The following XYLT1 variants were observed in gnomAD, a reference collection of about 807,000 sequenced individuals.
The protein encoded by XYLT1 is xylosyltransferase 1.
In XYLT1, 36 loss-of-function variants were observed where a neutral mutation model predicts 91.3. The ratio of observed to expected loss-of-function variants is 0.39; its 90% confidence interval spans 0.30 to 0.52. The LOEUF is 0.52. Among genes scored for constraint, XYLT1 ranks in the 20% least tolerant of loss-of-function variants. XYLT1 has a pLI of 0.68. For missense variants in XYLT1, 1,242 were observed against 1,284.5 expected, an observed-to-expected ratio of 0.97 and a Z score of 0.51; for synonymous variants, 588 against 532.0, an observed-to-expected ratio of 1.11 and a Z score of -1.45.
intron 6 of XYLT1, among the ~76,000 whole-genome samples, chr16:17,146,448 C>T (rs1053837352): frequency 6.6e-6 from 1 of 151,974 alleles, no homozygotes; most frequent in Non-Finnish European, 1.5e-5. Flanking sequence ...TGGTAAAATA[C>T]AAAGTTGGTC....
intron 2 of XYLT1, among the ~76,000 whole-genome samples, chr16:17,269,792 T>TTTATTATTATTATTA (rs60773820): frequency 0.074 from 10,473 of 141,602 alleles, 585 homozygotes; most frequent in African/African-American, 0.15. Flanking sequence ...TCCTTCTCCC[T>TTTATTATTATTATTA]TTATTATTAT....
intron 1 of XYLT1, among the ~76,000 whole-genome samples, chr16:17,387,957 C>A (rs2035766984): frequency 6.6e-6 from 1 of 152,202 alleles, no homozygotes; most frequent in Admixed American, 6.5e-5. Context: ...CAAACCATGA[C>A]TCAGTATCTT....
chr16:17,291,015 T>C (rs768637475), intron 2 of XYLT1, among the ~76,000 whole-genome samples: 2 of 152,178 alleles, frequency 1.3e-5, no homozygotes, highest in Non-Finnish European at 2.9e-5. Context: ...TCTCACTGCA[T>C]CCTCAGCCTC....
intron 2 of XYLT1, among the ~76,000 whole-genome samples, chr16:17,345,972 G>T (rs1031816257): frequency 2.0e-5 from 3 of 152,090 alleles, no homozygotes; most frequent in African/African-American, 7.2e-5. Context: ...CACCACACGT[G>T]GCTAATTTTT....
chr16:17,213,546 C>A (rs886216215), intron 3 of XYLT1, among the ~76,000 whole-genome samples: 2 of 152,128 alleles, frequency 1.3e-5, no homozygotes, highest in African/African-American at 4.8e-5. Context: ...TGGGATTCAA[C>A]CCTCCATCTG....
At chr16:17,329,335 C>G (rs1330499665) in intron 2 of XYLT1, among the ~76,000 whole-genome samples, 2 of 152,180 alleles carry the variant, frequency 1.3e-5, no homozygotes, top group African/African-American at 4.8e-5. Flanking sequence ...CTCAGTTTCC[C>G]TCTTTTACCA....
intron 1 of XYLT1, among the ~76,000 whole-genome samples, chr16:17,463,680 A>C (rs984180222): frequency 6.6e-6 from 1 of 152,268 alleles, no homozygotes; most frequent in African/African-American, 2.4e-5. Context: ...CACAAGCTAA[A>C]AACAGAACTA....
chr16:17,168,692 T>C (rs1012350219), intron 5 of XYLT1, among the ~76,000 whole-genome samples: 1 of 152,078 alleles, frequency 6.6e-6, no homozygotes, highest in Admixed American at 6.5e-5. Flanking sequence ...CTAAAGAGTA[T>C]GTTTTCCTGG....
intron 3 of XYLT1, among the ~76,000 whole-genome samples, chr16:17,224,691 A>G (rs2033031698): frequency 6.6e-6 from 1 of 152,128 alleles, no homozygotes; most frequent in South Asian, 2.1e-4. Context: ...CTAACCATCC[A>G]TCAACATCCA....
chr16:17,120,454 G>GCTC (rs2030008893), intron 10 of XYLT1, among the ~76,000 whole-genome samples: 1 of 151,920 alleles, frequency 6.6e-6, no homozygotes, highest in Admixed American at 6.6e-5. Context: ...ATCCGGAAGG[G>GCTC]CTCTGTGTTT....
At chr16:17,258,513 AAAGAG>A (rs766967229) in intron 3 of XYLT1, among the ~76,000 whole-genome samples, 36 of 152,238 alleles carry the variant, frequency 2.4e-4, no homozygotes, top group South Asian at 6.2e-4. Context: ...TATGAGGAAG[AAAGAG>A]AAGAGAAGAG....
intron 1 of XYLT1, among the ~76,000 whole-genome samples, chr16:17,448,568 A>G (rs1474782639): frequency 6.6e-6 from 1 of 152,052 alleles, no homozygotes; most frequent in Non-Finnish European, 1.5e-5. Context: ...ACAGCTCCAG[A>G]GGAAGGAGGG....
In XYLT1 at chr16:17,138,355, C is replaced by G; in HGVS notation, c.1764G>C (p.Gln588His). 6.2e-7 allele frequency: 1 copy of G among 1,610,576 alleles called. No homozygotes were observed. Among genetic ancestry groups the G allele is most frequent in the Non-Finnish European group, 8.5e-7 (1 of 1,177,448 alleles). Reference sequence around the variant, plus strand: ...CTGGCAGACCATGAGAAAGTCTCACCTGGAAGCGGTGGAAGTCCTGCGGCT... The same window carrying G: ...CTGGCAGACCATGAGAAAGTCTCACGTGGAAGCGGTGGAAGTCCTGCGGCT... Reference protein sequence around the residue: ...DFKPQDFHRFQQTARPTFFAR... With the variant: ...DFKPQDFHRFHQTARPTFFAR... The change falls in exon 8 of 12, where the codon CAG becomes CAC. Residue 588 changes from glutamine to histidine, a missense_variant and splice_region_variant. Around this residue, in one of 3 missense-constraint regions of XYLT1, gnomAD observed 511 missense variants for 497.0 expected, o/e 1.03. Coordinates refer to ENST00000261381, the MANE Select transcript of XYLT1 (RefSeq NM_022166.4).
At chr16:17,383,760 T>C (rs2035712998) in intron 1 of XYLT1, among the ~76,000 whole-genome samples, 1 of 150,870 alleles carries the variant, frequency 6.6e-6, no homozygotes, top group African/African-American at 2.4e-5. Flanking sequence ...TTCTTTTTTT[T>C]TTTTGAGACG....
intron 1 of XYLT1, among the ~76,000 whole-genome samples, chr16:17,403,840 C>G (rs2035996600): frequency 6.6e-6 from 1 of 152,204 alleles, no homozygotes; most frequent in African/African-American, 2.4e-5. Flanking sequence ...TCTCCAGACA[C>G]AATTCTCCAT....
chr16:17,373,968 G>A (rs991599014), intron 1 of XYLT1, among the ~76,000 whole-genome samples: 1 of 152,198 alleles, frequency 6.6e-6, no homozygotes, highest in Non-Finnish European at 1.5e-5. Flanking sequence ...CAAAATTGGT[G>A]ATTTAGTTAG....
intron 1 of XYLT1, among the ~76,000 whole-genome samples, chr16:17,398,834 T>TTTTCG (rs1555454030): frequency 1.0e-5 from 1 of 98,224 alleles, no homozygotes. Context: ...CCCCACTGTT[T>TTTTCG]TTTTGTTTTG....
At chr16:17,326,485 G>A (rs2141834287) in intron 2 of XYLT1, among the ~76,000 whole-genome samples, 1 of 152,154 alleles carries the variant, frequency 6.6e-6, no homozygotes, top group East Asian at 1.9e-4. Flanking sequence ...GTCCATGATG[G>A]CTGGAATAGA....
chr16:17,428,534 C>A (rs1371797187), intron 1 of XYLT1, among the ~76,000 whole-genome samples: 1 of 152,174 alleles, frequency 6.6e-6, no homozygotes, highest in African/African-American at 2.4e-5. Flanking sequence ...GGTCACAGCT[C>A]TGATTACAAA....
Sources: allele counts gnomAD v4.1 joint callset (sites outside exome capture counted in the v4.1 genomes callset), GRCh38; gene constraint gnomAD v4.1.1; regional missense constraint gnomAD v4.1.1; transcripts MANE v1.5; gene names NCBI Gene and HGNC (gene_info 2026-07-23, HGNC 2026-07-21).